Variants in CAMTA1 observed in about 807,000 individuals in gnomAD.
CAMTA1 encodes calmodulin binding transcription activator 1.
CAMTA1 carries 27 observed loss-of-function variants against 170.9 expected under a neutral mutation model. That is an observed-to-expected ratio of 0.16 (90% CI 0.12 to 0.22). The LOEUF (loss-of-function observed/expected upper bound fraction) is 0.22, where lower values mean the gene tolerates loss of function less well. Among genes scored for constraint, CAMTA1 ranks in the 10% least tolerant of loss-of-function variants. CAMTA1 has a pLI of 1.00. For missense variants in CAMTA1, 1,619 were observed against 2,217.2 expected (o/e 0.73, Z 5.42); for synonymous variants, 833 against 891.5 (o/e 0.93, Z 1.17).
At chr1:7,761,395 G>A (rs1302895710) in intron 22 of CAMTA1, among the ~76,000 whole-genome samples, 1 of 152,030 alleles carries the variant, frequency 6.6e-6, no homozygotes, top group Non-Finnish European at 1.5e-5. Flanking sequence ...TGTCTTCTGT[G>A]TAAGTGAATT....
At chr1:7,676,567 C>T (rs2096123025) in intron 10 of CAMTA1, among the ~76,000 whole-genome samples, 2 of 152,346 alleles carry the variant, frequency 1.3e-5, no homozygotes, top group Admixed American at 6.5e-5. Context: ...GCTTCCTCGA[C>T]TCTATAAGCT....
At chr1:7,084,116 T>A (rs1322168810) in intron 3 of CAMTA1, among the ~76,000 whole-genome samples, 2 of 152,116 alleles carry the variant, frequency 1.3e-5, no homozygotes, top group Non-Finnish European at 2.9e-5. Context: ...CTGTATAGAC[T>A]ATAGAGAGAT....
intron 5 of CAMTA1, among the ~76,000 whole-genome samples, chr1:7,432,020 C>G (rs1480729730): frequency 2.0e-5 from 3 of 152,334 alleles, no homozygotes; most frequent in South Asian, 2.1e-4. Flanking sequence ...AGAGGCAACC[C>G]TGGTCCCCAA....
At chr1:6,906,350 C>G (rs561588975) in intron 3 of CAMTA1, among the ~76,000 whole-genome samples, 2 of 152,298 alleles carry the variant, frequency 1.3e-5, no homozygotes, top group African/African-American at 2.4e-5. Context: ...GCTACTGATG[C>G]TAGCTACTTA....
intron 5 of CAMTA1, among the ~76,000 whole-genome samples, chr1:7,276,304 T>TATATATATATATATATA (rs1553299266): frequency 1.0e-3 from 15 of 14,928 alleles, no homozygotes; most frequent in South Asian, 2.2e-3. Context: ...TATATATATA[T>TATATATATATATATATA]TTTTTTTTTT....
rs1553241706 is a variant in CAMTA1 at position 7,668,429 on chromosome 1, ACACC to A, written c.2653-2477_2653-2474del. Among the ~76,000 whole-genome samples the A allele has an allele frequency of 8.6e-3, 1,089 of 126,560 alleles. 14 individuals carry two copies. The highest frequency in any genetic ancestry group is 0.026 in the African/African-American group (831 of 31,770). The allele number at this position is 126,560 out of a possible 152,430, so 83.0% of individuals were successfully genotyped here. A position where few individuals can be genotyped will look rare whatever the true frequency, so the allele number is the denominator to read the frequency against. ...CACACACACACACACACACACACACACACCCACCACACACCCCAGAGGCGTCCCC... is the reference window on the plus strand; with the variant it reads ...CACACACACACACACACACACACACACACCACACACCCCAGAGGCGTCCCC... On this transcript the variant is annotated intron_variant, in intron 9 of 22. Transcript: ENST00000303635.
chr1:7,134,222 A>G (rs7512375), intron 4 of CAMTA1, among the ~76,000 whole-genome samples: 49,574 of 152,140 alleles, frequency 0.33, 8,495 homozygotes, highest in Middle Eastern at 0.45. Context: ...GCTCCAAAGG[A>G]CATGATTTCA....
Position 6,785,506 on chromosome 1 carries a change from G to C in CAMTA1, c.-25G>C. 1.9e-6 allele frequency: 2 copies of C among 1,039,448 alleles called. No individual in the cohort carries two copies. Among genetic ancestry groups the C allele is most frequent in the Non-Finnish European group, 2.3e-6 (2 of 857,654 alleles). 64.4% of individuals were successfully genotyped at this position (1,039,448 alleles called of 1,614,324 possible). A position where few individuals can be genotyped will look rare whatever the true frequency, so the allele number is the denominator to read the frequency against. ...GCGGCGGTACGAGGCGCGCGCTCGG[G>C]GTCCCGGTCGCGAGGAGGAGGAGGA... On this transcript the variant is annotated 5_prime_UTR_variant, in exon 1 of 23. Transcript: ENST00000303635.
chr1:7,664,752 C>G lies in CAMTA1; in HGVS notation c.2205C>G (p.Ile735Met), dbSNP rs780428157. 7 of 1,608,544 alleles carry G rather than the reference C, an allele frequency of 4.4e-6. No individual in the cohort carries two copies. In the South Asian group the frequency reaches 7.7e-5, roughly 18 times the overall value. The part of the protein sequence containing the change: ...GVIRSAGGVP[I>M]LPGNVVQGLY... ...TCCGAAGCGCCGGCGGCGTCCCCAT[C>G]CTCCCGGGCAACGTGGTGCAGGGAC... Residue 735 changes from isoleucine (I) to methionine (M), a missense_variant, in exon 9 of 23, where the codon ATC becomes ATG. Transcript: ENST00000303635.
At chr1:7,037,275 A>G (rs868722104) in intron 3 of CAMTA1, among the ~76,000 whole-genome samples, 1 of 152,246 alleles carries the variant, frequency 6.6e-6, no homozygotes, top group African/African-American at 2.4e-5. Context: ...GTTTAAAAAC[A>G]GAAGTTTGAG....
intron 19 of CAMTA1, among the ~76,000 whole-genome samples, chr1:7,749,507 G>C (rs931912490): frequency 2.0e-5 from 3 of 151,802 alleles, no homozygotes; most frequent in Admixed American, 6.6e-5. Flanking sequence ...GATTACAACA[G>C]GTATTGATTC....
chr1:6,866,062 T>G (rs1320075911), intron 3 of CAMTA1, among the ~76,000 whole-genome samples: 1 of 152,222 alleles, frequency 6.6e-6, no homozygotes, highest in Non-Finnish European at 1.5e-5. Context: ...TTGACATCTG[T>G]GACTTGGTGC....
At chr1:7,411,452 T>G (rs2090740183) in intron 5 of CAMTA1, among the ~76,000 whole-genome samples, 1 of 137,140 alleles carries the variant, frequency 7.3e-6, no homozygotes, top group South Asian at 2.2e-4. Context: ...GGCAGGAGAA[T>G]CGATAGAACC....
intron 5 of CAMTA1, among the ~76,000 whole-genome samples, chr1:7,327,598 G>A (rs2082768057): frequency 6.6e-6 from 1 of 152,118 alleles, no homozygotes; most frequent in Admixed American, 6.5e-5. Context: ...GAATGATCTG[G>A]TAGGGAGTGG....
At chr1:6,818,777 C>T (rs1322619681) in intron 1 of CAMTA1, among the ~76,000 whole-genome samples, 1 of 152,040 alleles carries the variant, frequency 6.6e-6, no homozygotes, top group Non-Finnish European at 1.5e-5. Context: ...GTATCTGGGA[C>T]CATAGGTGTG....
chr1:7,209,810 A>G (rs912393192), intron 4 of CAMTA1, among the ~76,000 whole-genome samples: 7 of 152,196 alleles, frequency 4.6e-5, no homozygotes, highest in Non-Finnish European at 1.0e-4. Context: ...ATAGCATTTA[A>G]TTTTTTATTA....
At chr1:7,197,964 G>C (rs1486783119) in intron 4 of CAMTA1, among the ~76,000 whole-genome samples, 6 of 151,922 alleles carry the variant, frequency 3.9e-5, no homozygotes, top group Admixed American at 6.6e-5. Flanking sequence ...TGTGGCCAGA[G>C]CTGGATGCAG....
chr1:7,614,805 C>T (rs74967045), intron 6 of CAMTA1, among the ~76,000 whole-genome samples: 1,800 of 152,290 alleles, frequency 0.012, 23 homozygotes, highest in African/African-American at 0.04. Context: ...CCTCCCGAGG[C>T]TCCTGTCCTC....
intron 3 of CAMTA1, among the ~76,000 whole-genome samples, chr1:6,853,654 T>TA (rs1368187878): frequency 2.0e-5 from 3 of 152,012 alleles, no homozygotes; most frequent in African/African-American, 4.8e-5. Flanking sequence ...GGAAATTGGA[T>TA]AAAAAATCAA....
Sources: allele counts gnomAD v4.1 joint callset (sites outside exome capture counted in the v4.1 genomes callset), GRCh38; gene constraint gnomAD v4.1.1; transcripts MANE v1.5; gene names NCBI Gene and HGNC (gene_info 2026-07-23, HGNC 2026-07-21).